The following CNTN5 variants were observed in gnomAD, a reference collection of about 807,000 sequenced individuals.
CNTN5 encodes the protein contactin-5.
A neutral mutation model predicts 129.1 loss-of-function variants in CNTN5; 77 were observed. The ratio of observed to expected loss-of-function variants is 0.60; its 90% CI spans 0.50 to 0.72. The LOEUF is 0.72. Ranked by LOEUF, CNTN5 falls within the 30% of genes least tolerant of loss-of-function variation. The pLI, the probability that CNTN5 is intolerant of heterozygous loss-of-function variation, is 0.00. For missense variants in CNTN5, 1,478 were observed against 1,328.8 expected, an observed-to-expected ratio of 1.11 and a Z score of -1.75; for synonymous variants, 509 against 465.6, an observed-to-expected ratio of 1.09 and a Z score of -1.20.
intron 6 of CNTN5, among the ~76,000 whole-genome samples, chr11:99,850,749 G>A (rs1433994523): frequency 6.6e-6 from 1 of 151,962 alleles, no homozygotes; most frequent in Admixed American, 6.6e-5. Flanking sequence ...ATATTTCCCT[G>A]GTGGTCAGAG....
intron 7 of CNTN5, among the ~76,000 whole-genome samples, chr11:99,923,815 G>A (rs948995770): frequency 4.9e-5 from 6 of 123,218 alleles, no homozygotes; most frequent in Non-Finnish European, 8.7e-5. Flanking sequence ...ATCTGACAGA[G>A]TCTTGCTCTG....
At chr11:99,738,118 T>A (rs1056336770) in intron 3 of CNTN5, among the ~76,000 whole-genome samples, 2 of 152,166 alleles carry the variant, frequency 1.3e-5, no homozygotes, top group African/African-American at 4.8e-5. Flanking sequence ...GAATTATGCC[T>A]CCCGACTTCA....
chr11:99,284,833 A>G (rs945095543), intron 1 of CNTN5, among the ~76,000 whole-genome samples: 1 of 152,100 alleles, frequency 6.6e-6, no homozygotes, highest in Non-Finnish European at 1.5e-5. Context: ...GCTGGATAGT[A>G]GATAAATAGG....
chr11:100,275,140 A>G (rs1395220664), intron 18 of CNTN5, among the ~76,000 whole-genome samples: 4 of 151,868 alleles, frequency 2.6e-5, no homozygotes, highest in Non-Finnish European at 5.9e-5. Flanking sequence ...GAAAAGGTTC[A>G]TCCACAGAAA....
intron 4 of CNTN5, among the ~76,000 whole-genome samples, chr11:99,824,177 T>C (rs903211136): frequency 6.6e-6 from 1 of 152,050 alleles, no homozygotes; most frequent in African/African-American, 2.4e-5. Context: ...AATTTTTATA[T>C]AAAAGCATTG....
chr11:99,415,208 C>G (rs976184814), intron 2 of CNTN5, among the ~76,000 whole-genome samples: 13 of 152,050 alleles, frequency 8.5e-5, no homozygotes, highest in Non-Finnish European at 1.6e-4. Flanking sequence ...AAGTTTTACA[C>G]AACACGTTGA....
At chr11:99,819,918 G>A (rs1946743461) in intron 4 of CNTN5, among the ~76,000 whole-genome samples, 153 bp downstream of exon 4, 1 of 152,176 alleles carries the variant, frequency 6.6e-6, no homozygotes, top group East Asian at 1.9e-4. Flanking sequence ...TTTTAAAGCT[G>A]GGGTGAGCTA....
intron 3 of CNTN5, among the ~76,000 whole-genome samples, chr11:99,650,965 G>A (rs1341795101): frequency 1.3e-5 from 2 of 151,904 alleles, no homozygotes; most frequent in Non-Finnish European, 2.9e-5. Flanking sequence ...AAGAAACCAA[G>A]TTTCTACCTT....
At chr11:99,962,115 T>C (rs984607936) in intron 8 of CNTN5, among the ~76,000 whole-genome samples, 3 of 93,560 alleles carry the variant, frequency 3.2e-5, no homozygotes, top group African/African-American at 1.7e-4. Flanking sequence ...AACATAAAAT[T>C]ACTCTAAGGA....
At chr11:100,034,318 C>G (rs1022756810) in intron 9 of CNTN5, among the ~76,000 whole-genome samples, 4 of 152,220 alleles carry the variant, frequency 2.6e-5, no homozygotes, top group Non-Finnish European at 2.9e-5. Flanking sequence ...TTGTTATTAT[C>G]TAACTGTGTA....
At chr11:100,047,447 AAAAC>A in intron 9 of CNTN5, among the ~76,000 whole-genome samples, 1 of 152,340 alleles carries the variant, frequency 6.6e-6, no homozygotes, top group East Asian at 1.9e-4. Context: ...TTAAAGGACA[AAAAC>A]AAAATTCAGA....
chr11:99,319,570 C>G (rs976429070), intron 1 of CNTN5, among the ~76,000 whole-genome samples: 13 of 152,128 alleles, frequency 8.5e-5, no homozygotes, highest in Non-Finnish European at 1.6e-4. Flanking sequence ...ATGTTGTTCA[C>G]TTTTTGAATT....
intron 21 of CNTN5, among the ~76,000 whole-genome samples, chr11:100,324,182 G>T (rs1473396255): frequency 6.6e-6 from 1 of 152,106 alleles, no homozygotes; most frequent in Non-Finnish European, 1.5e-5. Flanking sequence ...CTGATTAGTA[G>T]CAGTAACAAA....
At chr11:99,919,243 A>G (rs1298628522) in intron 7 of CNTN5, among the ~76,000 whole-genome samples, 1 of 39,636 alleles carries the variant, frequency 2.5e-5, no homozygotes, top group Admixed American at 4.0e-4. Flanking sequence ...TCTAAGACTA[A>G]TCTCTCAACT....
intron 10 of CNTN5, among the ~76,000 whole-genome samples, chr11:100,061,730 G>A (rs1192469475): frequency 1.3e-5 from 2 of 152,098 alleles, no homozygotes; most frequent in Non-Finnish European, 2.9e-5. Context: ...AGAATCAGAG[G>A]TTCCAATCTA....
In CNTN5 at chr11:100,255,879, C is replaced by T. The variant is rs200965609; in HGVS notation, c.2125C>T (p.Arg709Cys). The T allele has an allele frequency of 3.6e-5, 58 of 1,613,866 alleles. No homozygotes were observed. In the East Asian group the frequency reaches 4.0e-4, roughly 11 times the overall value. The change falls in exon 17 of 25, where the codon CGC becomes TGC. Residue 709 changes from arginine (R) to cysteine (C), a missense_variant. Arg to Cys is a radical substitution (Grantham distance 180). Transcript: ENST00000524871. ...AATCTCCTCCTACAACCTTCAAGCTCGCAGCCCATTTTCCCTGGGCTGGCA... is the reference window on the plus strand; with the variant it reads ...AATCTCCTCCTACAACCTTCAAGCTTGCAGCCCATTTTCCCTGGGCTGGCA... ...SPISSYNLQA[R>C]SPFSLGWQTV... is the part of the protein sequence containing the mutation.
chr11:99,304,004 G>A (rs933878553), intron 1 of CNTN5, among the ~76,000 whole-genome samples: 2 of 152,134 alleles, frequency 1.3e-5, no homozygotes, highest in Non-Finnish European at 2.9e-5. Flanking sequence ...CCATGTTAAT[G>A]TCTGTCTCAA....
chr11:99,239,027 T>G (rs577573084), intron 1 of CNTN5, among the ~76,000 whole-genome samples: 8 of 152,302 alleles, frequency 5.3e-5, no homozygotes, highest in Non-Finnish European at 8.8e-5. Context: ...TGTAGTAGTT[T>G]ATTTCTCTGT....
At chr11:99,369,716 A>G (rs1488392936) in intron 2 of CNTN5, among the ~76,000 whole-genome samples, 4 of 152,194 alleles carry the variant, frequency 2.6e-5, no homozygotes, top group Non-Finnish European at 5.9e-5. Context: ...TTATTTTTCC[A>G]TTATCCAAAA....
Sources: gnomAD v4.1 joint callset for allele counts (sites outside exome capture counted in the v4.1 genomes callset) on GRCh38, gnomAD v4.1.1 for gene constraint, MANE v1.5 for transcripts, NCBI Gene and HGNC (gene_info 2026-07-23, HGNC 2026-07-21) for gene names.